COL11A1: variants seen among roughly 807,000 people sequenced by gnomAD.
COL11A1 encodes collagen alpha-1(XI) chain.
COL11A1 carries 74 observed loss-of-function variants against 265.2 expected under a neutral mutation model. That is an observed-to-expected ratio of 0.28 (90% CI 0.23 to 0.34). COL11A1 has a LOEUF of 0.34. Ranked by LOEUF, COL11A1 falls within the 10% of genes least tolerant of loss-of-function variation. The pLI, the probability that COL11A1 is intolerant of heterozygous loss-of-function variation, is 1.00. For missense variants in COL11A1, 2,165 were observed against 2,263.6 expected (o/e 0.96, Z 0.88); for synonymous variants, 816 against 727.6 (o/e 1.12, Z -1.96).
At chr1:103,098,303 T>C (rs1047193253) in intron 1 of COL11A1, among the ~76,000 whole-genome samples, 9 of 151,948 alleles carry the variant, frequency 5.9e-5, no homozygotes, top group African/African-American at 2.2e-4. Flanking sequence ...TTATGATGAA[T>C]AGCCTTTCAC....
intron 1 of COL11A1, among the ~76,000 whole-genome samples, chr1:103,088,574 TA>T (rs1338374166): frequency 6.6e-6 from 1 of 152,226 alleles, no homozygotes; most frequent in Admixed American, 6.5e-5. Flanking sequence ...AGAAAGTTTT[TA>T]TTGGAACATA....
chr1:103,031,178 T>C lies in COL11A1; in HGVS notation c.718A>G (p.Ser240Gly). Residue 240 changes from serine (S) to glycine (G), a missense_variant, in exon 5 of 67, where the codon AGT becomes GGT. By Grantham distance (56) the Ser-to-Gly change is moderately conservative. Coordinates refer to ENST00000370096, the MANE Select transcript of COL11A1 (RefSeq NM_001854.4). ...KAAYDYCEHYSPDCDSSAPKA... is the reference protein window; with the variant it reads ...KAAYDYCEHYGPDCDSSAPKA... Reference sequence around the variant, plus strand: ...GGTGCTGAAGAGTCACAGTCTGGACTATAATGCTCACAGTAGTCATATGCT... The same window carrying C: ...GGTGCTGAAGAGTCACAGTCTGGACCATAATGCTCACAGTAGTCATATGCT... 6.2e-7 allele frequency: 1 copy of C among 1,612,390 alleles called. No individual in the cohort carries two copies. The highest frequency in any genetic ancestry group is 8.5e-7 in the Non-Finnish European group (1 of 1,179,664).
chr1:102,975,021 C>A, intron 35 of COL11A1, 138 bp from the exon 36 acceptor site: 4 of 702,748 alleles, frequency 5.7e-6, no homozygotes, highest in African/African-American at 5.3e-5. Flanking sequence ...TATGGTAATA[C>A]AACACGATAG....
intron 4 of COL11A1, among the ~76,000 whole-genome samples, chr1:103,073,582 A>G (rs1671743619): frequency 6.6e-6 from 1 of 151,858 alleles, no homozygotes; most frequent in African/African-American, 2.4e-5. Flanking sequence ...GTAGAATTAA[A>G]GGCTTTGGTA....
chr1:102,985,315 A>C (rs553173931), intron 30 of COL11A1, among the ~76,000 whole-genome samples: 193 of 152,214 alleles, frequency 1.3e-3, no homozygotes, highest in South Asian at 2.5e-3. Flanking sequence ...AAGGCAAAAA[A>C]TTAAGAACAT....
In COL11A1 at chr1:102,930,544, T is replaced by C. The variant is rs570586036; in HGVS notation, c.3600+3905A>G. Among the ~76,000 whole-genome samples the C allele has an allele frequency of 7.6e-3, 1,150 of 152,280 alleles. 20 individuals are homozygous for C. The highest frequency in any genetic ancestry group is 0.026 in the African/African-American group (1,086 of 41,552). On this transcript the variant is annotated intron_variant, in intron 46 of 66. Coordinates refer to ENST00000370096, the MANE Select transcript of COL11A1 (RefSeq NM_001854.4). ...TCAATGTTCATCAAGGATATTGGTCTAAAATTCTCTTTTTTGGTTGTGTCT... is the reference window on the plus strand; with the variant it reads ...TCAATGTTCATCAAGGATATTGGTCCAAAATTCTCTTTTTTGGTTGTGTCT...
At chr1:103,077,738 A>G (rs1456023795) in intron 3 of COL11A1, among the ~76,000 whole-genome samples, 2 of 152,110 alleles carry the variant, frequency 1.3e-5, no homozygotes, top group African/African-American at 4.8e-5. Flanking sequence ...GCTGCTCCAT[A>G]AGTGAAAGGA....
At chr1:103,069,062 C>T (rs867933692) in intron 4 of COL11A1, among the ~76,000 whole-genome samples, 1 of 151,680 alleles carries the variant, frequency 6.6e-6, no homozygotes, top group African/African-American at 2.4e-5. Flanking sequence ...AGTTAATAAG[C>T]TTATTCTAAC....
At chr1:103,034,375 A>G (rs1031281849) in intron 4 of COL11A1, among the ~76,000 whole-genome samples, 3 of 150,328 alleles carry the variant, frequency 2.0e-5, no homozygotes, top group Admixed American at 1.3e-4. Context: ...ACTTTTTTTA[A>G]TGTATTTTTC....
At chr1:102,957,807 G>A (rs1050348582) in intron 41 of COL11A1, among the ~76,000 whole-genome samples, 1 of 151,526 alleles carries the variant, frequency 6.6e-6, no homozygotes, top group Non-Finnish European at 1.5e-5. Context: ...ACTTCTTCAA[G>A]CCTCAGATCT....
intron 14 of COL11A1, among the ~76,000 whole-genome samples, chr1:103,009,421 T>A (rs973177206): frequency 6.6e-6 from 1 of 151,768 alleles, no homozygotes; most frequent in Non-Finnish European, 1.5e-5. Flanking sequence ...TCTCAAAAAA[T>A]AAATAAATAA....
intron 5 of COL11A1, among the ~76,000 whole-genome samples, chr1:103,028,013 T>C (rs905066525): frequency 6.6e-6 from 1 of 151,552 alleles, no homozygotes; most frequent in Non-Finnish European, 1.5e-5. Flanking sequence ...CTGTTTTTTG[T>C]TTGTTTGTTT....
chr1:102,894,786 T>A (rs1249471465), intron 57 of COL11A1, among the ~76,000 whole-genome samples: 2 of 152,170 alleles, frequency 1.3e-5, no homozygotes, highest in Non-Finnish European at 2.9e-5. Context: ...TTTATCTTTT[T>A]TATTTTTGAA....
intron 12 of COL11A1, among the ~76,000 whole-genome samples, chr1:103,015,160 A>G (rs1340642654): frequency 6.6e-6 from 1 of 151,988 alleles, no homozygotes; most frequent in Admixed American, 6.6e-5. Flanking sequence ...ATTCTAAGTA[A>G]TTATTTCTTG....
chr1:103,072,001 T>C (rs1558024850), intron 4 of COL11A1, among the ~76,000 whole-genome samples: 1 of 151,640 alleles, frequency 6.6e-6, no homozygotes. Flanking sequence ...ATAGAGTAAT[T>C]ATATAGAGAA....
intron 24 of COL11A1, among the ~76,000 whole-genome samples, chr1:102,999,591 T>C (rs1664931372): frequency 6.6e-6 from 1 of 151,778 alleles, no homozygotes; most frequent in Non-Finnish European, 1.5e-5. Flanking sequence ...CAGAAAAATA[T>C]AATATATTAT....
intron 4 of COL11A1, among the ~76,000 whole-genome samples, chr1:103,060,258 A>G (rs966980557): frequency 6.6e-6 from 1 of 152,172 alleles, no homozygotes; most frequent in Non-Finnish European, 1.5e-5. Flanking sequence ...CTGAGAAATC[A>G]TTCTTCAAAA....
intron 54 of COL11A1, among the ~76,000 whole-genome samples, chr1:102,909,573 G>T: frequency 6.6e-6 from 1 of 151,862 alleles, no homozygotes. Flanking sequence ...ATATGAAAAT[G>T]CATCCTTCAT....
At chr1:103,002,827 T>A (rs753111463) in intron 21 of COL11A1, 36 bp from the exon 22 acceptor site, 1 of 1,589,342 alleles carries the variant, frequency 6.3e-7, no homozygotes, top group Non-Finnish European at 8.6e-7. Context: ...GTTGTTTATA[T>A]GTTTTGATGC....
Sources: gnomAD v4.1 joint callset for allele counts (sites outside exome capture counted in the v4.1 genomes callset) on GRCh38, gnomAD v4.1.1 for gene constraint, MANE v1.5 for transcripts, NCBI Gene and HGNC (gene_info 2026-07-23, HGNC 2026-07-21) for gene names.